Variants in MINDY3 observed in about 807,000 individuals in gnomAD.
MINDY3 encodes MINDY lysine 48 deubiquitinase 3.
A neutral mutation model predicts 69.2 loss-of-function variants in MINDY3; 38 were observed. That is an observed-to-expected ratio of 0.55 (90% CI 0.42 to 0.72). The LOEUF (loss-of-function observed/expected upper bound fraction) is 0.72, where lower values mean the gene tolerates loss of function less well. Ranked by LOEUF, MINDY3 falls within the 30% of genes least tolerant of loss-of-function variation. The pLI is 0.00. For missense variants in MINDY3, 522 were observed against 519.0 expected (o/e 1.01, Z -0.06); for synonymous variants, 192 against 180.1 (o/e 1.07, Z -0.53).
At chr10:15,803,305 T>C (rs1838396176) in intron 10 of MINDY3, among the ~76,000 whole-genome samples, 1 of 152,188 alleles carries the variant, frequency 6.6e-6, no homozygotes, top group South Asian at 2.1e-4. Flanking sequence ...ACAGGGTTCC[T>C]AGTATAAAGA....
Position 15,860,380 on chromosome 10 carries a change from G to A in MINDY3, c.-81C>T. ...GGAAGGGGCAACTCCGGAAACAGCA[G>A]CTGCGGGACGGCGGCGGCAAACGAA... On this transcript the variant is annotated 5_prime_UTR_variant, in exon 1 of 15. Coordinates refer to ENST00000277632, the MANE Select transcript of MINDY3 (RefSeq NM_024948.4). 2 of 1,025,052 alleles carry A rather than the reference G, an allele frequency of 2.0e-6. No homozygotes were observed. Among genetic ancestry groups the A allele is most frequent in the Non-Finnish European group, 3.0e-6 (2 of 671,170 alleles). 63.5% of individuals were successfully genotyped at this position (1,025,052 alleles called of 1,614,324 possible).
At chr10:15,827,176 T>TAAAAAAAAAAAAAAAAAAAA (rs56332799) in intron 8 of MINDY3, among the ~76,000 whole-genome samples, 1 of 44,858 alleles carries the variant, frequency 2.2e-5, no homozygotes, top group African/African-American at 1.1e-4. Context: ...ATAACAGGAG[T>TAAAAAAAAAAAAAAAAAAAA]AAAAAAAAAA....
rs528641343 is a variant in MINDY3, at chr10:15,828,194, G to T, written c.730+5436C>A. Among the ~76,000 whole-genome samples the T allele has an allele frequency of 2.0e-5, 3 of 152,232 alleles. No homozygotes were observed. In the South Asian group the frequency reaches 6.2e-4, roughly 32 times the overall value. ...AAGTGGAAACACTCCACATGTTGGCGAACAAATGAATGTGGTATATTTGTG... is the reference window on the plus strand; with the variant it reads ...AAGTGGAAACACTCCACATGTTGGCTAACAAATGAATGTGGTATATTTGTG... On this transcript the variant is annotated intron_variant, in intron 8 of 14. Coordinates refer to ENST00000277632, the MANE Select transcript of MINDY3 (RefSeq NM_024948.4).
intron 2 of MINDY3, 141 bp downstream of exon 2, chr10:15,847,723 A>G: frequency 1.9e-6 from 1 of 528,086 alleles, no homozygotes; most frequent in Non-Finnish European, 3.4e-6. Flanking sequence ...TTGGATATTT[A>G]TTGTAATTTA....
chr10:15,795,824 A>C (rs1837777497), intron 11 of MINDY3, among the ~76,000 whole-genome samples: 1 of 152,008 alleles, frequency 6.6e-6, no homozygotes, highest in African/African-American at 2.4e-5. Context: ...CAGTTTGTTC[A>C]AAAGGTGGTA....
chr10:15,781,231 A>G (rs955395386), intron 14 of MINDY3, among the ~76,000 whole-genome samples: 17 of 151,940 alleles, frequency 1.1e-4, no homozygotes, highest in Admixed American at 9.2e-4. Flanking sequence ...TAAAGATAGC[A>G]GTAAATTTTA....
intron 10 of MINDY3, among the ~76,000 whole-genome samples, chr10:15,809,541 G>C (rs186546715): frequency 1.3e-5 from 2 of 152,226 alleles, no homozygotes; most frequent in African/African-American, 2.4e-5. Context: ...CCACAGCTCA[G>C]ATGACCTGCT....
At chr10:15,836,694 G>T (rs1317499091) in intron 6 of MINDY3, among the ~76,000 whole-genome samples, 1 of 151,230 alleles carries the variant, frequency 6.6e-6, no homozygotes, top group Non-Finnish European at 1.5e-5. Context: ...TCCATAAAAG[G>T]CATACTGGAT....
intron 4 of MINDY3, among the ~76,000 whole-genome samples, chr10:15,839,927 G>T (rs1833346516): frequency 6.6e-6 from 1 of 151,508 alleles, no homozygotes. Context: ...ATTAGTTACT[G>T]AAGTACCAAA....
At chr10:15,842,938 G>T (rs7069225) in intron 3 of MINDY3, among the ~76,000 whole-genome samples, 2,544 of 147,868 alleles carry the variant, frequency 0.017, 57 homozygotes, top group African/African-American at 0.056. Flanking sequence ...TGTTCTTTAT[G>T]GCATGCTGCC....
intron 8 of MINDY3, among the ~76,000 whole-genome samples, chr10:15,825,857 C>G (rs1840050146): frequency 6.6e-6 from 1 of 151,550 alleles, no homozygotes; most frequent in Non-Finnish European, 1.5e-5. Flanking sequence ...TTTATAAAAA[C>G]AAAACAAAAA....
rs191626145 is a variant in MINDY3, at chr10:15,816,719, A to G, written c.882+116T>C. 586 of 718,000 alleles carry G rather than the reference A, an allele frequency of 8.2e-4. 1 individual carries two copies. The African/African-American group carries it at 9.1e-3, about 11-fold the overall frequency. 44.5% of individuals were successfully genotyped at this position (718,000 alleles called of 1,614,324 possible). On this transcript the variant is annotated intron_variant, in intron 10 of 14. Transcript: ENST00000277632. Reference sequence around the variant, plus strand: ...TATTAGTTTTTGAGATTTTTGAACAATTCATTTGTTGTGGGAATAGACTGA... The same window carrying G: ...TATTAGTTTTTGAGATTTTTGAACAGTTCATTTGTTGTGGGAATAGACTGA...
At chr10:15,842,469 C>T (rs1221087409) in intron 3 of MINDY3, among the ~76,000 whole-genome samples, 1 of 151,702 alleles carries the variant, frequency 6.6e-6, no homozygotes, top group Non-Finnish European at 1.5e-5. Flanking sequence ...ATAGTTTCTT[C>T]TCTACTAAAA....
At chr10:15,826,716 C>A (rs1166258133) in intron 8 of MINDY3, among the ~76,000 whole-genome samples, 1 of 151,656 alleles carries the variant, frequency 6.6e-6, no homozygotes, top group African/African-American at 2.4e-5. Context: ...TAAGAAGTCA[C>A]AAAAAGATCA....
chr10:15,848,279 C>T (rs1833995241), intron 1 of MINDY3, among the ~76,000 whole-genome samples: 1 of 152,128 alleles, frequency 6.6e-6, no homozygotes, highest in Admixed American at 6.5e-5. Flanking sequence ...ATTTTTAGAA[C>T]TCTTTAAATA....
intron 4 of MINDY3, among the ~76,000 whole-genome samples, chr10:15,840,745 C>A (rs1476797866): frequency 6.6e-6 from 1 of 151,650 alleles, no homozygotes; most frequent in Non-Finnish European, 1.5e-5. Flanking sequence ...TCTTAACTAG[C>A]TTCCGTACCA....
intron 1 of MINDY3, among the ~76,000 whole-genome samples, chr10:15,848,840 C>G (rs139232456): frequency 1.2e-3 from 178 of 152,066 alleles, no homozygotes; most frequent in Non-Finnish European, 2.0e-3. Context: ...AAGATCATTT[C>G]ACCTGCTTGG....
rs185396998 is a variant in MINDY3 at position 15,805,209 on chromosome 10, G to T, written c.883-9037C>A. 1.9e-4 allele frequency among the ~76,000 whole-genome samples: 29 copies of T among 152,248 alleles called. 1 individual carries two copies. The East Asian group carries it at 5.2e-3, about 27-fold the overall frequency. On this transcript the variant is annotated intron_variant, in intron 10 of 14. Coordinates refer to ENST00000277632, the MANE Select transcript of MINDY3 (RefSeq NM_024948.4). Reference sequence around the variant, plus strand: ...CTTGAAGTTAGACGACGTTCTTGGAGGTTCTTTGATTATTCATGACAGCAG... The same window carrying T: ...CTTGAAGTTAGACGACGTTCTTGGATGTTCTTTGATTATTCATGACAGCAG...
chr10:15,824,423 T>C (rs1258315350), intron 8 of MINDY3, among the ~76,000 whole-genome samples: 1 of 152,166 alleles, frequency 6.6e-6, no homozygotes, highest in Non-Finnish European at 1.5e-5. Flanking sequence ...AATACGTATT[T>C]AAAAATTTCT....
Sources: gnomAD v4.1 joint callset for allele counts (sites outside exome capture counted in the v4.1 genomes callset) on GRCh38, gnomAD v4.1.1 for gene constraint, MANE v1.5 for transcripts, NCBI Gene and HGNC (gene_info 2026-07-23, HGNC 2026-07-21) for gene names.